PGCKA1: variants seen among roughly 807,000 people sequenced by gnomAD.
PGCKA1 encodes PDCD10 and GCKIII kinases-associated protein 1.
the PGCKA1 span, among the ~76,000 whole-genome samples, chr4:37,559,960 T>G: frequency 1.3e-5 from 2 of 152,214 alleles, no homozygotes; most frequent in Non-Finnish European, 2.9e-5. Context: ...TATCTTCCTT[T>G]AAGGTTCATG....
the PGCKA1 span, among the ~76,000 whole-genome samples, chr4:37,454,604 C>T: frequency 6.6e-6 from 1 of 152,176 alleles, no homozygotes; most frequent in Admixed American, 6.5e-5. Context: ...GCCAGGAGGC[C>T]TCACGTAGTG....
At chr4:37,592,716 G>A in the PGCKA1 span, among the ~76,000 whole-genome samples, 2 of 152,208 alleles carry the variant, frequency 1.3e-5, no homozygotes, top group Admixed American at 1.3e-4. Context: ...GACAAGTTAT[G>A]TATCCCTTTA....
chr4:37,505,472 C>G, the PGCKA1 span, among the ~76,000 whole-genome samples: 33 of 152,202 alleles, frequency 2.2e-4, no homozygotes, highest in African/African-American at 7.7e-4. Flanking sequence ...AGTCCATTTT[C>G]ATGCTGCTGA....
chr4:37,519,848 A>T, the PGCKA1 span, among the ~76,000 whole-genome samples: 2 of 152,204 alleles, frequency 1.3e-5, no homozygotes, highest in Non-Finnish European at 2.9e-5. Flanking sequence ...CAGTTCTTAG[A>T]AGAAAGGCTT....
chr4:37,551,187 A>C, the PGCKA1 span, among the ~76,000 whole-genome samples: 2 of 152,188 alleles, frequency 1.3e-5, no homozygotes, highest in African/African-American at 4.8e-5. Flanking sequence ...CTGCCTGATC[A>C]GTGGACAGGT....
At chr4:37,591,827 T>C in the PGCKA1 span, 1 of 152,212 alleles carries the variant, frequency 6.6e-6, no homozygotes. Flanking sequence ...TATAACAACG[T>C]ATGTGTCTTT....
At chr4:37,501,847 A>G in the PGCKA1 span, among the ~76,000 whole-genome samples, 16 of 152,274 alleles carry the variant, frequency 1.1e-4, no homozygotes, top group East Asian at 2.3e-3. Context: ...TTGAGTTGTC[A>G]GAGTTCTTGC....
At chr4:37,460,527 A>G in the PGCKA1 span, 3 of 452,446 alleles carry the variant, frequency 6.6e-6, no homozygotes, top group Admixed American at 7.2e-5. Context: ...AATAATCACC[A>G]TTCTGACTGG....
At chr4:37,499,177 C>CTTG in the PGCKA1 span, among the ~76,000 whole-genome samples, 8 of 152,336 alleles carry the variant, frequency 5.3e-5, no homozygotes, top group Non-Finnish European at 8.8e-5. Context: ...ATAAAGCCTA[C>CTTG]TTGGTCATGG....
chr4:37,511,366 G>C, the PGCKA1 span, among the ~76,000 whole-genome samples: 3 of 152,070 alleles, frequency 2.0e-5, no homozygotes, highest in African/African-American at 7.2e-5. Context: ...CATACCACCT[G>C]GGTACCACTG....
chr4:37,531,869 G>A, the PGCKA1 span, among the ~76,000 whole-genome samples: 1 of 144,528 alleles, frequency 6.9e-6, no homozygotes, highest in South Asian at 2.2e-4. Flanking sequence ...TCCAGCCTGG[G>A]CGAAAGAGCT....
the PGCKA1 span, among the ~76,000 whole-genome samples, chr4:37,542,945 A>G: frequency 6.6e-6 from 1 of 152,154 alleles, no homozygotes; most frequent in Non-Finnish European, 1.5e-5. Context: ...GATGTTTAAT[A>G]ATTAATGCAA....
chr4:37,462,891 G>T, the PGCKA1 span, among the ~76,000 whole-genome samples: 1 of 150,136 alleles, frequency 6.7e-6, no homozygotes, highest in African/African-American at 2.5e-5. Context: ...AGCTACTCGG[G>T]AGGCTGAGGC....
chr4:37,553,248 T>C, the PGCKA1 span, among the ~76,000 whole-genome samples: 198 of 150,948 alleles, frequency 1.3e-3, 6 homozygotes, highest in Non-Finnish European at 2.0e-3. Context: ...AAAATATTTA[T>C]TTTTGAAAAG....
the PGCKA1 span, among the ~76,000 whole-genome samples, chr4:37,507,726 T>C: frequency 6.6e-6 from 1 of 152,142 alleles, no homozygotes; most frequent in Non-Finnish European, 1.5e-5. Context: ...CAGTTACAGT[T>C]TTATAATATT....
At chr4:37,468,960 A>G in the PGCKA1 span, among the ~76,000 whole-genome samples, 1 of 152,246 alleles carries the variant, frequency 6.6e-6, no homozygotes, top group African/African-American at 2.4e-5. Flanking sequence ...TTTGATATAC[A>G]GTCATGTACC....
At chr4:37,489,502 C>T in the PGCKA1 span, among the ~76,000 whole-genome samples, 1 of 151,946 alleles carries the variant, frequency 6.6e-6, no homozygotes, top group African/African-American at 2.4e-5. Context: ...ATTACACATA[C>T]AATAATATAA....
At chr4:37,560,702 T>C in the PGCKA1 span, among the ~76,000 whole-genome samples, 11 of 152,178 alleles carry the variant, frequency 7.2e-5, no homozygotes, top group East Asian at 2.1e-3. Context: ...CATCTAGAAC[T>C]GTCTCCACTT....
chr4:37,579,677 C>A, the PGCKA1 span, among the ~76,000 whole-genome samples: 2 of 152,128 alleles, frequency 1.3e-5, no homozygotes, highest in African/African-American at 2.4e-5. Flanking sequence ...TTATTTGTTT[C>A]TTTTCTCTGC....
Sources: allele counts gnomAD v4.1 joint callset (sites outside exome capture counted in the v4.1 genomes callset), GRCh38; gene constraint gnomAD v4.1.1; transcripts MANE v1.5; gene names NCBI Gene and HGNC (gene_info 2026-07-23, HGNC 2026-07-21).